The following SPATA13 variants were observed in gnomAD, a reference collection of about 807,000 sequenced individuals.
The protein encoded by SPATA13 is spermatogenesis-associated protein 13.
Under a neutral mutation model 104.0 loss-of-function variants are expected in SPATA13, and 50 were observed. That is an observed-to-expected ratio of 0.48 (90% CI 0.38 to 0.61). The LOEUF (loss-of-function observed/expected upper bound fraction) is 0.61. Ranked by LOEUF, SPATA13 falls within the 20% of genes least tolerant of loss-of-function variation. The pLI, the probability that SPATA13 is intolerant of heterozygous loss-of-function variation, is 0.00. For missense variants in SPATA13, 1,524 were observed against 1,690.6 expected (o/e 0.90, Z 1.73); for synonymous variants, 606 against 667.5 (o/e 0.91, Z 1.42).
rs1566172364 is a variant in SPATA13, at chr13:24,249,631, T to C, written c.1808T>C (p.Ile603Thr). 1.2e-6 allele frequency: 2 copies of C among 1,613,564 alleles called. No homozygotes were observed. The change falls in exon 3 of 13, where the codon ATT becomes ACT. Residue 603 changes from isoleucine to threonine, a missense_variant. Physicochemically the swap from Ile to Thr is moderately conservative, Grantham distance 89. This residue lies in a region of SPATA13 where 1,089 missense variants were observed against 1,135.9 expected (regional missense o/e 0.96). Transcript: ENST00000382108. ...CAGCTGGCCAGCCGCAGTTTGTCTATTCCTGAAGACTCGGTTGCTGCAGAC... is the reference window on the plus strand; with the variant it reads ...CAGCTGGCCAGCCGCAGTTTGTCTACTCCTGAAGACTCGGTTGCTGCAGAC... ...YGQLASRSLS[I>T]PEDSVAADPQ...
intron 1 of SPATA13, among the ~76,000 whole-genome samples, chr13:24,220,980 C>T (rs1232066462): frequency 6.6e-6 from 1 of 152,224 alleles, no homozygotes; most frequent in Non-Finnish European, 1.5e-5. Flanking sequence ...ATGTCCTCCT[C>T]TTGTTCCTCT....
At chr13:24,189,099 T>G (rs1266487710) in intron 1 of SPATA13, among the ~76,000 whole-genome samples, 3 of 152,172 alleles carry the variant, frequency 2.0e-5, no homozygotes, top group Admixed American at 2.0e-4. Flanking sequence ...AATATTGTTT[T>G]CCTGCCTGCT....
chr13:24,223,359 C>T lies in SPATA13; in HGVS notation c.430C>T (p.Leu144=). Residue 144 remains leucine, a synonymous_variant, in exon 2 of 13, where the codon CTG becomes TTG. Coordinates refer to ENST00000382108, the MANE Select transcript of SPATA13 (RefSeq NM_001166271.3). The part of the protein sequence containing the change: ...CSKGEASEHG[L]GKSIPNGAVP... ...AAAGGGAGAGGCTTCGGAGCATGGC[C>T]TGGGAAAGTCCATCCCAAATGGCGC... 6.4e-7 allele frequency: 1 copy of T among 1,551,404 alleles called. No homozygotes were observed.
chr13:24,072,445 T>G (rs951719031), intron 3 of SPATA13, among the ~76,000 whole-genome samples: 1 of 152,224 alleles, frequency 6.6e-6, no homozygotes, highest in African/African-American at 2.4e-5. Context: ...CTTCACAGTA[T>G]GTGCTCGTGG....
rs2138785117 is a variant in SPATA13, at chr13:24,303,488, AG to A, written c.*717del. On this transcript the variant is annotated 3_prime_UTR_variant, in exon 13 of 13. Transcript: ENST00000382108. ...CATCCTCAAGAATCCACTGCTTTTCAGGCAAGGAGGGAGAAATCCTGCTGCA... is the reference window on the plus strand; with the variant it reads ...CATCCTCAAGAATCCACTGCTTTTCAGCAAGGAGGGAGAAATCCTGCTGCA... 6.3e-6 allele frequency: 1 copy of A among 159,716 alleles called. No homozygotes were observed. Among genetic ancestry groups the A allele is most frequent in the Admixed American group, 6.5e-5 (1 of 15,484 alleles). The allele number at this position is 159,716 out of a possible 1,614,324, so 9.9% of individuals were successfully genotyped here.
At chr13:24,238,641 C>T (rs1872689252) in intron 2 of SPATA13, among the ~76,000 whole-genome samples, 1 of 152,140 alleles carries the variant, frequency 6.6e-6, no homozygotes, top group Admixed American at 6.5e-5. Flanking sequence ...AGGTCAGTGC[C>T]ACAGGTAGGG....
chr13:24,287,268 C>T (rs1318992752), intron 7 of SPATA13, among the ~76,000 whole-genome samples: 1 of 152,108 alleles, frequency 6.6e-6, no homozygotes, highest in African/African-American at 2.4e-5. Flanking sequence ...TTTAAGCAGT[C>T]CTCCCTCCTC....
chr13:24,133,767 C>T (rs758355194), intron 3 of SPATA13, among the ~76,000 whole-genome samples: 1 of 151,994 alleles, frequency 6.6e-6, no homozygotes, highest in Non-Finnish European at 1.5e-5. Flanking sequence ...AGAATAGTGC[C>T]GGGGCCACAA....
At chr13:24,064,352 T>A (rs1298725007) in intron 3 of SPATA13, among the ~76,000 whole-genome samples, 1 of 152,234 alleles carries the variant, frequency 6.6e-6, no homozygotes, top group Non-Finnish European at 1.5e-5. Flanking sequence ...GGGAGAGCAG[T>A]AACCTCACAG....
intron 5 of SPATA13, among the ~76,000 whole-genome samples, chr13:24,285,580 T>C (rs1022442159): frequency 6.6e-6 from 1 of 151,792 alleles, no homozygotes; most frequent in South Asian, 2.1e-4. Flanking sequence ...TGCAGTGATG[T>C]AATCTCGGCT....
chr13:24,132,399 C>T (rs1015490145), intron 3 of SPATA13, among the ~76,000 whole-genome samples: 2 of 152,146 alleles, frequency 1.3e-5, no homozygotes, highest in African/African-American at 4.8e-5. Context: ...TATATCAGAC[C>T]CTGGACAGAA....
At chr13:24,014,287 C>A (rs1035007529) in intron 2 of SPATA13, among the ~76,000 whole-genome samples, 1 of 152,254 alleles carries the variant, frequency 6.6e-6, no homozygotes, top group African/African-American at 2.4e-5. Context: ...TAGGCTCTCA[C>A]CCTAATGACC....
intron 1 of SPATA13, among the ~76,000 whole-genome samples, chr13:24,204,155 C>A (rs533831800): frequency 6.6e-6 from 1 of 152,246 alleles, no homozygotes; most frequent in African/African-American, 2.4e-5. Flanking sequence ...TACTCACAGC[C>A]AGAGGCTAAC....
chr13:24,014,839 G>A (rs187623680), intron 2 of SPATA13, among the ~76,000 whole-genome samples: 1 of 143,314 alleles, frequency 7.0e-6, no homozygotes, highest in Admixed American at 7.1e-5. Flanking sequence ...CAGGATTGCT[G>A]TAGTTCTGAG....
intron 3 of SPATA13, among the ~76,000 whole-genome samples, chr13:24,059,570 C>T (rs1878704458): frequency 6.6e-6 from 1 of 152,196 alleles, no homozygotes; most frequent in East Asian, 1.9e-4. Context: ...TTTGGAGAGG[C>T]TATTATATGC....
intron 3 of SPATA13, among the ~76,000 whole-genome samples, chr13:24,042,568 T>G (rs9511010): frequency 2.0e-5 from 3 of 152,210 alleles, no homozygotes; most frequent in Non-Finnish European, 2.9e-5. Context: ...AGCGCACATC[T>G]ATGCCCGTGC....
intron 3 of SPATA13, among the ~76,000 whole-genome samples, chr13:24,075,059 T>C (rs1218681577): frequency 6.6e-6 from 1 of 152,218 alleles, no homozygotes; most frequent in Non-Finnish European, 1.5e-5. Context: ...GGTTAGAATA[T>C]GTGAGGAGGC....
At chr13:24,104,342 T>C (rs1317298077) in intron 3 of SPATA13, among the ~76,000 whole-genome samples, 1 of 152,122 alleles carries the variant, frequency 6.6e-6, no homozygotes, top group Non-Finnish European at 1.5e-5. Context: ...GTTCCATCAG[T>C]CTATAAAATG....
chr13:24,095,160 T>A (rs1880031481), intron 3 of SPATA13, among the ~76,000 whole-genome samples: 1 of 152,180 alleles, frequency 6.6e-6, no homozygotes, highest in Admixed American at 6.5e-5. Context: ...AACCCAAGTG[T>A]CCATCAGTGG....
Sources: gnomAD v4.1 joint callset for allele counts (sites outside exome capture counted in the v4.1 genomes callset) on GRCh38, gnomAD v4.1.1 for gene constraint, gnomAD v4.1.1 regional missense constraint, MANE v1.5 for transcripts, NCBI Gene and HGNC (gene_info 2026-07-23, HGNC 2026-07-21) for gene names.